Variants in IPPK observed in about 807,000 individuals in gnomAD.
IPPK encodes IPK1 homolog.
A neutral mutation model predicts 64.6 loss-of-function variants in IPPK; 22 were observed. That is an observed-to-expected ratio of 0.34 (90% CI 0.24 to 0.49). The LOEUF is 0.49. Among genes scored for constraint, IPPK ranks in the 20% least tolerant of loss-of-function variants. IPPK has a pLI of 0.99. For missense variants in IPPK, 532 were observed against 630.7 expected (o/e 0.84, Z 1.68); for synonymous variants, 262 against 247.2 (o/e 1.06, Z -0.56).
intron 4 of IPPK, among the ~76,000 whole-genome samples, chr9:92,651,064 C>T (rs963764162): frequency 3.0e-4 from 45 of 152,190 alleles, no homozygotes; most frequent in Non-Finnish European, 3.5e-4. Context: ...CGGGCTCAGA[C>T]TGCATTCACC....
At chr9:92,669,565 G>A (rs1411147271) in intron 1 of IPPK, among the ~76,000 whole-genome samples, 1 of 152,186 alleles carries the variant, frequency 6.6e-6, no homozygotes, top group Non-Finnish European at 1.5e-5. Flanking sequence ...CAGGCGGGAG[G>A]CGGCACCGCG....
chr9:92,640,863 A>G, intron 7 of IPPK, 81 bp from the exon 8 acceptor site: 1 of 993,872 alleles, frequency 1.0e-6, no homozygotes, highest in Non-Finnish European at 1.6e-6. Flanking sequence ...CGTGGCTCAG[A>G]GGACATGCTG....
chr9:92,617,716 G>A (rs78503677), intron 12 of IPPK: 5,949 of 158,228 alleles, frequency 0.038, 198 homozygotes, highest in East Asian at 0.092. Flanking sequence ...CTGGGGATCG[G>A]GGTGGAGAAG....
intron 2 of IPPK, among the ~76,000 whole-genome samples, chr9:92,657,217 C>T (rs769204231): frequency 9.9e-5 from 15 of 152,078 alleles, no homozygotes; most frequent in South Asian, 2.1e-4. Flanking sequence ...GGCATGGTGG[C>T]GGGCACCTGT....
chr9:92,664,128 G>GCACC (rs1439877507), intron 1 of IPPK, among the ~76,000 whole-genome samples: 12 of 152,330 alleles, frequency 7.9e-5, no homozygotes, highest in African/African-American at 2.6e-4. Flanking sequence ...CAGTCACCAG[G>GCACC]GGCAGGAGGT....
At chr9:92,649,302 G>T in intron 5 of IPPK, 151 bp downstream of exon 5, 1 of 842,998 alleles carries the variant, frequency 1.2e-6, no homozygotes, top group Non-Finnish European at 1.9e-6. Context: ...GGGGGCTGTG[G>T]AAGGACAGAA....
At chr9:92,664,496 C>G (rs544327263) in intron 1 of IPPK, among the ~76,000 whole-genome samples, 7 of 152,140 alleles carry the variant, frequency 4.6e-5, no homozygotes, top group Non-Finnish European at 1.0e-4. Flanking sequence ...TCATGGTGTC[C>G]TCTGCAGGAC....
intron 8 of IPPK, 69 bp from the exon 9 acceptor site, chr9:92,638,349 A>G: frequency 6.5e-7 from 1 of 1,539,562 alleles, no homozygotes; most frequent in Non-Finnish European, 8.8e-7. Flanking sequence ...CTCAGTCCCC[A>G]CCACCAGCAT....
rs746874025 is a variant in IPPK at position 92,669,888 on chromosome 9, G to A, written c.81+20C>T. ...CGTCGGAGTGAGGTACCGGACCTGC[G>A]CCGCACGTCCACCGCTCACCTGCGC... On this transcript the variant is annotated intron_variant, in intron 1 of 12. Transcript: ENST00000287996. 18 of 1,595,998 alleles carry A rather than the reference G, an allele frequency of 1.1e-5. No homozygotes were observed. Among genetic ancestry groups the A allele is most frequent in the African/African-American group, 2.7e-5 (2 of 74,358 alleles).
In IPPK at chr9:92,656,485, A is replaced by C. The variant is rs1852375543; in HGVS notation, c.196T>G (p.Phe66Val). The C allele has an allele frequency of 6.2e-7, 1 of 1,611,582 alleles. No individual in the cohort carries two copies. The highest frequency in any genetic ancestry group is 1.7e-5 in the Admixed American group (1 of 59,948). The change falls in exon 3 of 13, where the codon TTT becomes GTT. Residue 66 changes from phenylalanine to valine, a missense_variant. Physicochemically the swap from Phe to Val is conservative, Grantham distance 50 (BLOSUM62 -1). Coordinates refer to ENST00000287996, the MANE Select transcript of IPPK (RefSeq NM_022755.6). The part of the protein sequence containing the change: ...VDFGKNVMKE[F>V]LGENYVHYGE... Reference sequence around the variant, plus strand: ...TAATGAACATAGTTCTCCCCCAAAAACTCCTTCATGACATTTTTCCCAAAG... The same window carrying C: ...TAATGAACATAGTTCTCCCCCAAAACCTCCTTCATGACATTTTTCCCAAAG...
chr9:92,615,730 CAA>C lies in IPPK; in HGVS notation c.*100_*101del. On this transcript the variant is annotated 3_prime_UTR_variant, in exon 13 of 13. Transcript: ENST00000287996. ...ATCCCACCTCAAAAGGGGTTAAAAG[CAA>C]AAACATTCACAACCAAAGGTCACCC... 1 of 984,032 alleles carries C rather than the reference CAA, an allele frequency of 1.0e-6. No homozygotes were observed. The highest frequency in any genetic ancestry group is 1.5e-6 in the Non-Finnish European group (1 of 648,044). The allele number at this position is 984,032 out of a possible 1,614,324, so 61.0% of individuals were successfully genotyped here.
At chr9:92,622,171 A>T (rs1851651687) in intron 11 of IPPK, among the ~76,000 whole-genome samples, 2 of 152,212 alleles carry the variant, frequency 1.3e-5, no homozygotes, top group Non-Finnish European at 2.9e-5. Flanking sequence ...AAAAGAAGGG[A>T]ACAAACTTCT....
chr9:92,637,913 G>T, intron 9 of IPPK, 88 bp downstream of exon 9: 1 of 1,375,968 alleles, frequency 7.3e-7, no homozygotes, highest in Non-Finnish European at 9.6e-7. Context: ...CCAGGAGGCT[G>T]TGCTGACCGC....
intron 11 of IPPK, among the ~76,000 whole-genome samples, chr9:92,631,725 G>A (rs997898913): frequency 6.6e-6 from 1 of 152,186 alleles, no homozygotes; most frequent in African/African-American, 2.4e-5. Flanking sequence ...GAGTGATGCT[G>A]ACACAATCCA....
At chr9:92,649,295 G>A (rs1436025084) in intron 5 of IPPK, among the ~76,000 whole-genome samples, 158 bp downstream of exon 5, 1 of 152,134 alleles carries the variant, frequency 6.6e-6, no homozygotes, top group Non-Finnish European at 1.5e-5. Flanking sequence ...CGCAGGTGGG[G>A]GCTGTGGAAG....
chr9:92,638,172 T>A lies in IPPK; in HGVS notation c.745A>T (p.Ser249Cys). ...PFFFPSNGLASGPHCTRAVIR... is the reference protein window; with the variant it reads ...PFFFPSNGLACGPHCTRAVIR... ...ACAGCCCTTGTGCAGTGGGGCCCAC[T>A]GGCCAGGCCGTTGGAAGGGAAGAAG... The change falls in exon 9 of 13, where the codon AGT (serine) becomes TGT (cysteine). Residue 249 changes from serine to cysteine, a missense_variant. Ser to Cys is a moderately radical substitution (Grantham distance 112). Transcript: ENST00000287996. 1 of 1,614,216 alleles carries A rather than the reference T, an allele frequency of 6.2e-7. No individual in the cohort carries two copies. Among genetic ancestry groups the A allele is most frequent in the African/African-American group, 1.3e-5 (1 of 75,056 alleles).
chr9:92,667,635 G>A (rs1323550932), intron 1 of IPPK, among the ~76,000 whole-genome samples: 1 of 152,196 alleles, frequency 6.6e-6, no homozygotes, highest in Non-Finnish European at 1.5e-5. Flanking sequence ...AATAAAAAAT[G>A]AGGCTGAGTA....
chr9:92,652,411 T>C (rs1209652050), intron 4 of IPPK, among the ~76,000 whole-genome samples, 162 bp downstream of exon 4: 6 of 141,230 alleles, frequency 4.2e-5, no homozygotes, highest in African/African-American at 1.6e-4. Flanking sequence ...ATCGCACCAC[T>C]GCACTCCTGC....
chr9:92,654,870 A>C (rs1852339455), intron 3 of IPPK, among the ~76,000 whole-genome samples: 1 of 152,254 alleles, frequency 6.6e-6, no homozygotes, highest in African/African-American at 2.4e-5. Context: ...AACTGTCAGC[A>C]TGCGAGGTTC....
Sources: allele counts gnomAD v4.1 joint callset (sites outside exome capture counted in the v4.1 genomes callset), GRCh38; gene constraint gnomAD v4.1.1; transcripts MANE v1.5; gene names NCBI Gene and HGNC (gene_info 2026-07-23, HGNC 2026-07-21).